The following GABRB1 variants were observed in gnomAD, a reference collection of about 807,000 sequenced individuals.
The protein encoded by GABRB1 is gamma-aminobutyric acid type A receptor subunit beta1.
Under a neutral mutation model 51.6 loss-of-function variants are expected in GABRB1, and 17 were observed. The ratio of observed to expected loss-of-function variants is 0.33; its 90% confidence interval spans 0.23 to 0.49. The LOEUF is 0.49. Among genes scored for constraint, GABRB1 ranks in the 20% least tolerant of loss-of-function variants. GABRB1 has a pLI of 0.99. For missense variants in GABRB1, 410 were observed against 600.6 expected (o/e 0.68, Z 3.32); for synonymous variants, 247 against 218.9 (o/e 1.13, Z -1.14).
intron 4 of GABRB1, among the ~76,000 whole-genome samples, chr4:47,274,004 T>C (rs954144116): frequency 3.3e-5 from 5 of 152,072 alleles, no homozygotes; most frequent in African/African-American, 1.2e-4. Flanking sequence ...TTTACACTCA[T>C]GCAAGTATTT....
chr4:47,080,556 C>CT (rs201304707), intron 3 of GABRB1, among the ~76,000 whole-genome samples: 12 of 152,032 alleles, frequency 7.9e-5, no homozygotes, highest in South Asian at 2.1e-4. Flanking sequence ...AACTCAAGTT[C>CT]TTTTTTTTTA....
intron 3 of GABRB1, among the ~76,000 whole-genome samples, chr4:47,132,173 TTC>T (rs1168524916): frequency 1.3e-5 from 2 of 152,220 alleles, no homozygotes; most frequent in Non-Finnish European, 2.9e-5. Context: ...CAGATTGAAT[TTC>T]TCTCTCTTTT....
intron 4 of GABRB1, among the ~76,000 whole-genome samples, chr4:47,305,434 C>T (rs1333344852): frequency 6.6e-6 from 1 of 152,064 alleles, no homozygotes; most frequent in Non-Finnish European, 1.5e-5. Context: ...TGTCTTCTTT[C>T]TTCTTTAGAA....
intron 4 of GABRB1, among the ~76,000 whole-genome samples, chr4:47,242,260 C>T (rs532071210): frequency 2.0e-5 from 3 of 152,288 alleles, no homozygotes; most frequent in African/African-American, 7.2e-5. Flanking sequence ...TGTATATGTG[C>T]CACATTTTCT....
intron 5 of GABRB1, among the ~76,000 whole-genome samples, chr4:47,326,610 C>A (rs1425978274): frequency 6.6e-6 from 1 of 152,026 alleles, no homozygotes; most frequent in African/African-American, 2.4e-5. Flanking sequence ...ATCTCCTGAA[C>A]GTAAGGAAAA....
chr4:47,204,031 G>A (rs1305158450), intron 4 of GABRB1, among the ~76,000 whole-genome samples: 1 of 152,188 alleles, frequency 6.6e-6, no homozygotes, highest in African/African-American at 2.4e-5. Context: ...AATTACAGTT[G>A]CAGAAGATAA....
chr4:47,129,201 C>G (rs977062105), intron 3 of GABRB1, among the ~76,000 whole-genome samples: 1 of 152,054 alleles, frequency 6.6e-6, no homozygotes, highest in Non-Finnish European at 1.5e-5. Flanking sequence ...ATTGCACAAT[C>G]TTTGAGTGTT....
At chr4:47,105,635 G>A (rs1577912728) in intron 3 of GABRB1, among the ~76,000 whole-genome samples, 1 of 152,068 alleles carries the variant, frequency 6.6e-6, no homozygotes, top group Non-Finnish European at 1.5e-5. Flanking sequence ...AGTGCAACAG[G>A]CTTCATGTCT....
chr4:47,338,491 G>A (rs1335856297), intron 5 of GABRB1, among the ~76,000 whole-genome samples: 1 of 152,178 alleles, frequency 6.6e-6, no homozygotes, highest in Non-Finnish European at 1.5e-5. Flanking sequence ...TTTTAACTAA[G>A]CATTAAATTC....
intron 1 of GABRB1, among the ~76,000 whole-genome samples, chr4:46,999,554 G>A (rs1040825640): frequency 1.3e-5 from 2 of 152,014 alleles, no homozygotes; most frequent in African/African-American, 4.8e-5. Context: ...TTAAAATAAG[G>A]AAATAAGATA....
chr4:47,155,048 T>C (rs1717630899), intron 3 of GABRB1, among the ~76,000 whole-genome samples: 1 of 152,084 alleles, frequency 6.6e-6, no homozygotes, highest in East Asian at 1.9e-4. Flanking sequence ...GCCAGGCTTA[T>C]GTTTATTGAC....
chr4:47,049,123 C>T (rs1313744248), intron 3 of GABRB1, among the ~76,000 whole-genome samples: 3 of 151,150 alleles, frequency 2.0e-5, no homozygotes. Context: ...TCCAAGTTTT[C>T]GTTGCTCCCT....
chr4:47,185,358 A>G (rs915414823), intron 4 of GABRB1, among the ~76,000 whole-genome samples: 2 of 151,882 alleles, frequency 1.3e-5, no homozygotes, highest in African/African-American at 4.8e-5. Flanking sequence ...CTTCCTTCCA[A>G]GTAAATTTCT....
intron 8 of GABRB1, among the ~76,000 whole-genome samples, chr4:47,416,472 A>G (rs1336094150): frequency 1.3e-5 from 2 of 149,574 alleles, no homozygotes; most frequent in Non-Finnish European, 3.0e-5. Context: ...TTTTTTTGAG[A>G]CAGAGTCTCC....
intron 3 of GABRB1, among the ~76,000 whole-genome samples, chr4:47,067,592 C>G (rs917446269): frequency 6.6e-6 from 1 of 151,700 alleles, no homozygotes; most frequent in Non-Finnish European, 1.5e-5. Context: ...GGCTTCCTTC[C>G]TTTTTTTCTG....
chr4:47,357,402 T>C (rs1726626060), intron 5 of GABRB1, among the ~76,000 whole-genome samples: 1 of 152,166 alleles, frequency 6.6e-6, no homozygotes, highest in South Asian at 2.1e-4. Flanking sequence ...TGAATGTTGG[T>C]CATTTTTGGA....
chr4:47,387,324 AT>A (rs529788673), intron 5 of GABRB1, among the ~76,000 whole-genome samples: 125 of 152,002 alleles, frequency 8.2e-4, no homozygotes, highest in Admixed American at 3.5e-3. Flanking sequence ...AGATGGCCTA[AT>A]TTTTTTTATG....
At chr4:47,311,133 C>A (rs1675287390) in intron 4 of GABRB1, among the ~76,000 whole-genome samples, 1 of 150,950 alleles carries the variant, frequency 6.6e-6, no homozygotes, top group South Asian at 2.1e-4. Flanking sequence ...GTGGCTCACG[C>A]CTGTAATCCC....
At chr4:47,296,678 C>T (rs575977700) in intron 4 of GABRB1, among the ~76,000 whole-genome samples, 2 of 152,328 alleles carry the variant, frequency 1.3e-5, no homozygotes, top group East Asian at 3.9e-4. Flanking sequence ...TAACACCCCA[C>T]TGTCAACATT....
Sources: gnomAD v4.1 joint callset for allele counts (sites outside exome capture counted in the v4.1 genomes callset) on GRCh38, gnomAD v4.1.1 for gene constraint, MANE v1.5 for transcripts, NCBI Gene and HGNC (gene_info 2026-07-23, HGNC 2026-07-21) for gene names.